Variants in ZNF441 observed in about 807,000 individuals in gnomAD.
ZNF441 encodes the protein zinc finger protein 441.
A neutral mutation model predicts 64.5 loss-of-function variants in ZNF441; 25 were observed. That is an observed-to-expected ratio of 0.39 (90% CI 0.28 to 0.54). The LOEUF (loss-of-function observed/expected upper bound fraction) is 0.54. Among genes scored for constraint, ZNF441 ranks in the 20% least tolerant of loss-of-function variants. The pLI, the probability that ZNF441 is intolerant of heterozygous loss-of-function variation, is 0.70. For missense variants in ZNF441, 715 were observed against 843.3 expected, an observed-to-expected ratio of 0.85 and a Z score of 1.88; for synonymous variants, 262 against 268.0, an observed-to-expected ratio of 0.98 and a Z score of 0.22.
chr19:11,768,504 A>T (rs1311464719), intron 1 of ZNF441, among the ~76,000 whole-genome samples: 1 of 152,218 alleles, frequency 6.6e-6, no homozygotes. Context: ...TGGAAACGTT[A>T]CAGAGTGATG....
At chr19:11,771,526 T>A (rs915793153) in intron 1 of ZNF441, among the ~76,000 whole-genome samples, 9 of 152,228 alleles carry the variant, frequency 5.9e-5, no homozygotes, top group Non-Finnish European at 1.3e-4. Flanking sequence ...TATATATGAA[T>A]ATCATTAATC....
At chr19:11,778,075 C>T (rs1397430761) in intron 2 of ZNF441, 5 of 443,946 alleles carry the variant, frequency 1.1e-5, no homozygotes, top group East Asian at 4.1e-5. Flanking sequence ...GAAAATACAA[C>T]ATTACAAAGT....
rs763319634 is a variant in ZNF441 at position 11,782,561 on chromosome 19, C to G, written c.*655C>G. ...ACATGTTCAGTACAAATACAACTGT[C>G]ATTCATTGTCCTAAGTACGTGTACA... On this transcript the variant is annotated 3_prime_UTR_variant, in exon 4 of 4. Transcript: ENST00000357901. The G allele has an allele frequency of 1.3e-5, 2 of 152,206 alleles. No individual in the cohort carries two copies. The highest frequency in any genetic ancestry group is 2.9e-5 in the Non-Finnish European group (2 of 68,028). The allele number at this position is 152,206 out of a possible 1,614,324, so 9.4% of individuals were successfully genotyped here. A position where few individuals can be genotyped will look rare whatever the true frequency, so the allele number is the denominator to read the frequency against.
intron 3 of ZNF441, among the ~76,000 whole-genome samples, 200 bp from the exon 4 acceptor site, chr19:11,779,819 G>A (rs1315810876): frequency 6.6e-6 from 1 of 151,742 alleles, no homozygotes; most frequent in Admixed American, 6.6e-5. Flanking sequence ...GCTGGGGTGG[G>A]AGGATGGTTT....
At position 11,768,762 on chromosome 19, in the gene ZNF441, GC is replaced by G. The variant is rs1975290481; in HGVS notation, c.3+1567del. ...ATAAGCTACTTCCTTAGAACACTCA[GC>G]TTTTCTTCCCCCATCCCTTCCTTGG... is the stretch of plus-strand genomic sequence containing the variant. On this transcript the variant is annotated intron_variant, in intron 1 of 3. Coordinates refer to ENST00000357901, the MANE Select transcript of ZNF441 (RefSeq NM_152355.3). Among the ~76,000 whole-genome samples the G allele has an allele frequency of 2.0e-5, 3 of 152,326 alleles. No homozygotes were observed. In the South Asian group the frequency reaches 6.2e-4, roughly 32 times the overall value.
Position 11,780,888 on chromosome 19 carries a change from T to C in ZNF441, c.1064T>C (p.Met355Thr). ...FSDCTGFRRH[M>T]ITHTGDGPHK... ...GATTGCACAGGTTTTCGAAGACACA[T>C]GATAACGCACACTGGAGATGGACCT... is the stretch of plus-strand genomic sequence containing the variant. Residue 355 changes from methionine to threonine, a missense_variant, in exon 4 of 4, where the codon ATG becomes ACG. Physicochemically the swap from Met to Thr is moderately conservative, Grantham distance 81. Around this residue, in one of 2 missense-constraint regions of ZNF441, gnomAD observed 316 missense variants for 429.3 expected, o/e 0.74. Coordinates refer to ENST00000357901, the MANE Select transcript of ZNF441 (RefSeq NM_152355.3). The C allele has an allele frequency of 6.2e-7, 1 of 1,614,072 alleles. No homozygotes were observed. Among genetic ancestry groups the C allele is most frequent in the Non-Finnish European group, 8.5e-7 (1 of 1,180,004 alleles).
rs1975276625 is a variant in ZNF441 at position 11,767,164 on chromosome 19, G to A, written c.-30G>A. On this transcript the variant is annotated 5_prime_UTR_variant, in exon 1 of 4. Transcript: ENST00000357901. This position sits in a 1 kb window ranked among gnomAD's most constrained non-coding sequence, Gnocchi z 5.1. ...ACCCGCACTGACAGCGGGAGGCAGA[G>A]GGAGGAACCTGGACGCCGGAAGCCG... 2 of 1,556,836 alleles carry A rather than the reference G, an allele frequency of 1.3e-6. No individual in the cohort carries two copies.
rs1290320336 is a variant in ZNF441 at position 11,779,238 on chromosome 19, G to T, written c.195-781G>T. Among the ~76,000 whole-genome samples the T allele has an allele frequency of 2.0e-5, 3 of 149,882 alleles. No individual in the cohort carries two copies. In the Admixed American group the frequency reaches 2.0e-4, roughly 10 times the overall value. ...GGAGGCTGAGACAGGAAGGTTGCTT[G>T]AGCCCAGGAGGTCAAAGCCGCAGTA... On this transcript the variant is annotated intron_variant, in intron 3 of 3. Transcript: ENST00000357901.
intron 1 of ZNF441, among the ~76,000 whole-genome samples, chr19:11,772,275 T>C (rs1296536136): frequency 6.6e-6 from 1 of 152,172 alleles, no homozygotes; most frequent in African/African-American, 2.4e-5. Flanking sequence ...CGCACATTGG[T>C]GGTAGTGGTC....
Position 11,782,029 on chromosome 19 carries a change from A to G in ZNF441, c.*123A>G, listed in dbSNP as rs2145085775. ...ATATAAAAATGTACTAAAACCTTCC[A>G]TTTTTTTCAGTACCTTTTGAAAACA... On this transcript the variant is annotated 3_prime_UTR_variant, in exon 4 of 4. Coordinates refer to ENST00000357901, the MANE Select transcript of ZNF441 (RefSeq NM_152355.3). 1 of 722,292 alleles carries G rather than the reference A, an allele frequency of 1.4e-6. No homozygotes were observed. The highest frequency in any genetic ancestry group is 3.6e-5 in the South Asian group (1 of 27,462). The allele number at this position is 722,292 out of a possible 1,614,324, so 44.7% of individuals were successfully genotyped here.
chr19:11,777,662 G>A lies in ZNF441; in HGVS notation c.55G>A (p.Ala19Thr), dbSNP rs755596647. The change falls in exon 2 of 4, where the codon GCT becomes ACT. Residue 19 changes from alanine (A) to threonine (T), a missense_variant. Coordinates refer to ENST00000357901, the MANE Select transcript of ZNF441 (RefSeq NM_152355.3). Reference sequence around the variant, plus strand: ...TATAAACTTCACCTGTGAGGAGTGGGCTTTGCTGGGTCCATCACAGAAGAG... The same window carrying A: ...TATAAACTTCACCTGTGAGGAGTGGACTTTGCTGGGTCCATCACAGAAGAG... ...VAINFTCEEW[A>T]LLGPSQKSLY... The A allele has an allele frequency of 6.2e-7, 1 of 1,613,754 alleles. No individual in the cohort carries two copies. The highest frequency in any genetic ancestry group is 8.5e-7 in the Non-Finnish European group (1 of 1,179,800).
In ZNF441 at chr19:11,781,242, A is replaced by G. The variant is rs1568482026; in HGVS notation, c.1418A>G (p.Lys473Arg). The change falls in exon 4 of 4, where the codon AAG becomes AGG. Residue 473 changes from lysine (K) to arginine (R), a missense_variant. Transcript: ENST00000357901. ...RVHEKTHTGE[K>R]PYECKQCGKA... Reference sequence around the variant, plus strand: ...CATGAAAAGACTCACACTGGAGAAAAGCCCTATGAATGTAAGCAGTGTGGA... The same window carrying G: ...CATGAAAAGACTCACACTGGAGAAAGGCCCTATGAATGTAAGCAGTGTGGA... 1 of 1,613,792 alleles carries G rather than the reference A, an allele frequency of 6.2e-7. No individual in the cohort carries two copies.
At chr19:11,778,467 G>A in intron 3 of ZNF441, 74 bp downstream of exon 3, 4 of 1,217,258 alleles carry the variant, frequency 3.3e-6, no homozygotes, top group Non-Finnish European at 4.6e-6. Context: ...ATTTTATTTT[G>A]TTTGTTTTAG....
chr19:11,768,542 C>T (rs1384199011), intron 1 of ZNF441, among the ~76,000 whole-genome samples: 1 of 152,180 alleles, frequency 6.6e-6, no homozygotes, highest in Non-Finnish European at 1.5e-5. Context: ...CTATGGTTTC[C>T]TGGTCCTGGG....
intron 1 of ZNF441, among the ~76,000 whole-genome samples, chr19:11,775,484 C>T (rs1269151216): frequency 6.6e-6 from 1 of 152,048 alleles, no homozygotes; most frequent in Non-Finnish European, 1.5e-5. Context: ...TGCCCACCAC[C>T]ACGCCCGGCT....
At chr19:11,779,932 G>T in intron 3 of ZNF441, 87 bp from the exon 4 acceptor site, 1 of 1,196,122 alleles carries the variant, frequency 8.4e-7, no homozygotes. Flanking sequence ...AGAAAAGAAA[G>T]AAAGAAAAGA....
At chr19:11,774,227 C>T (rs1411734978) in intron 1 of ZNF441, among the ~76,000 whole-genome samples, 3 of 152,088 alleles carry the variant, frequency 2.0e-5, no homozygotes, top group African/African-American at 7.2e-5. Context: ...TATTGTATTG[C>T]CCAATACATT....
rs184961591 is a variant in ZNF441 at position 11,770,029 on chromosome 19, G to A, written c.3+2833G>A. Among the ~76,000 whole-genome samples the A allele has an allele frequency of 3.0e-4, 45 of 152,120 alleles. No individual in the cohort carries two copies. The East Asian group carries it at 7.4e-3, about 25-fold the overall frequency. On this transcript the variant is annotated intron_variant, in intron 1 of 3. Coordinates refer to ENST00000357901, the MANE Select transcript of ZNF441 (RefSeq NM_152355.3). The stretch of plus-strand genomic sequence containing the variant: ...TCTTCCTGTTATGCCCTCACATGGT[G>A]GAGATATGTCTGTAATGTCTGTCTA...
In ZNF441 at chr19:11,782,431, G is replaced by A. The variant is rs1210005313; in HGVS notation, c.*525G>A. 6.6e-6 allele frequency: 1 copy of A among 152,160 alleles called. No homozygotes were observed. Among genetic ancestry groups the A allele is most frequent in the East Asian group, 1.9e-4 (1 of 5,200 alleles). The allele number at this position is 152,160 out of a possible 1,614,324, so 9.4% of individuals were successfully genotyped here. ...GCATATAATCTAGGCACATTTTTCT[G>A]TATATCTTAAATCATTTCTAGATTA... On this transcript the variant is annotated 3_prime_UTR_variant, in exon 4 of 4. Coordinates refer to ENST00000357901, the MANE Select transcript of ZNF441 (RefSeq NM_152355.3).
Sources: allele counts gnomAD v4.1 joint callset (sites outside exome capture counted in the v4.1 genomes callset), GRCh38; gene constraint gnomAD v4.1.1; regional missense constraint gnomAD v4.1.1; non-coding constraint Gnocchi (gnomAD v3.1); transcripts MANE v1.5; gene names NCBI Gene and HGNC (gene_info 2026-07-23, HGNC 2026-07-21).